The following SQOR variants were observed in gnomAD, a reference collection of about 807,000 sequenced individuals.
The protein encoded by SQOR is sulfide:quinone oxidoreductase, mitochondrial.
In SQOR, 39 loss-of-function variants were observed where a neutral mutation model predicts 48.6. That is an observed-to-expected ratio of 0.80 (90% CI 0.62 to 1.05). The LOEUF (loss-of-function observed/expected upper bound fraction) is 1.05, where lower values mean the gene tolerates loss of function less well. SQOR is among the 50% of genes least tolerant of loss of function. The probability of loss-of-function intolerance (pLI) is 0.00; values close to 1 mark genes in which losing one functional copy is unlikely to be tolerated. For synonymous variants in SQOR, 220 were observed against 206.2 expected (o/e 1.07, Z -0.57); for missense variants, 561 against 559.9 (o/e 1.00, Z -0.02).
intron 9 of SQOR, among the ~76,000 whole-genome samples, chr15:45,689,743 T>A (rs545902783): frequency 5.3e-5 from 8 of 152,256 alleles, no homozygotes; most frequent in Non-Finnish European, 1.0e-4. Flanking sequence ...TTTATTGTTA[T>A]GGGAGAAACC....
intron 5 of SQOR, among the ~76,000 whole-genome samples, chr15:45,675,025 G>T (rs762202021): frequency 6.6e-6 from 1 of 152,144 alleles, no homozygotes; most frequent in African/African-American, 2.4e-5. Flanking sequence ...GGAATTAAAG[G>T]CAGTTCCAGT....
chr15:45,691,270 G>C lies in SQOR; in HGVS notation c.*240G>C. On this transcript the variant is annotated 3_prime_UTR_variant, in exon 10 of 10. Coordinates refer to ENST00000260324, the MANE Select transcript of SQOR (RefSeq NM_021199.4). ...TAATACTTTTATTTTCTGAATAAAA[G>C]TTTGTCACTGATTGTGTTCTATGAG... 2.0e-6 allele frequency: 1 copy of C among 493,996 alleles called. No homozygotes were observed. The highest frequency in any genetic ancestry group is 3.6e-6 in the Non-Finnish European group (1 of 279,474). The allele number at this position is 493,996 out of a possible 1,614,324, so 30.6% of individuals were successfully genotyped here. A position where few individuals can be genotyped will look rare whatever the true frequency, so the allele number is the denominator to read the frequency against.
intron 8 of SQOR, 66 bp from the exon 9 acceptor site, chr15:45,688,973 C>T: frequency 6.9e-6 from 9 of 1,310,664 alleles, no homozygotes; most frequent in Non-Finnish European, 9.5e-6. Flanking sequence ...ATAATAAATT[C>T]TATAGTGTTA....
At chr15:45,656,000 C>T (rs2670813) in intron 1 of SQOR, among the ~76,000 whole-genome samples, 53,316 of 129,126 alleles carry the variant, frequency 0.41, 9,912 homozygotes, top group East Asian at 0.65. Flanking sequence ...TTTTTTTTTT[C>T]CCCGTTTAAC....
rs200511008 is a variant in SQOR at position 45,659,007 on chromosome 15, C to T, written c.84C>T (p.Gly28=). ...CLLRLGTQQV[G]PLQLHTGASH... The stretch of plus-strand genomic sequence containing the variant: ...TCAGGCTGGGCACTCAGCAGGTCGG[C>T]CCCCTTCAGCTGCACACCGGGGCCA... The change falls in exon 2 of 10, where the codon GGC becomes GGT. Residue 28 remains glycine (G), a synonymous_variant. Transcript: ENST00000260324. The T allele has an allele frequency of 1.9e-6, 3 of 1,602,686 alleles. No homozygotes were observed. Among genetic ancestry groups the T allele is most frequent in the Middle Eastern group, 1.9e-4 (1 of 5,360 alleles).
chr15:45,688,918 G>A (rs1455816772), intron 8 of SQOR, 121 bp from the exon 9 acceptor site: 2 of 797,416 alleles, frequency 2.5e-6, no homozygotes. Flanking sequence ...AGTACAAAAA[G>A]CTAGAATATA....
At chr15:45,689,932 CTT>C (rs1338777616) in intron 9 of SQOR, among the ~76,000 whole-genome samples, 2 of 152,144 alleles carry the variant, frequency 1.3e-5, no homozygotes, top group Non-Finnish European at 2.9e-5. Flanking sequence ...ATTAAACACT[CTT>C]TGTGTTTAAA....
chr15:45,639,871 A>C (rs1273921430), intron 1 of SQOR, among the ~76,000 whole-genome samples: 1 of 152,176 alleles, frequency 6.6e-6, no homozygotes, highest in Non-Finnish European at 1.5e-5. Flanking sequence ...CTTGTTTTGA[A>C]TCATTGAGTA....
chr15:45,678,665 T>C (rs1465224358), intron 6 of SQOR, among the ~76,000 whole-genome samples: 1 of 152,158 alleles, frequency 6.6e-6, no homozygotes, highest in East Asian at 1.9e-4. Context: ...TGTGTAGTTA[T>C]GCACACAGAG....
At chr15:45,657,265 A>AT (rs33993204) in intron 1 of SQOR, among the ~76,000 whole-genome samples, 13,017 of 148,004 alleles carry the variant, frequency 0.088, 718 homozygotes, top group Middle Eastern at 0.23. Flanking sequence ...TGGAGCCTGC[A>AT]TTTTTTTTTT....
intron 1 of SQOR, among the ~76,000 whole-genome samples, chr15:45,643,753 G>A (rs1339862130): frequency 6.6e-6 from 1 of 152,134 alleles, no homozygotes; most frequent in African/African-American, 2.4e-5. Context: ...AGACTTATAT[G>A]CTGCAGAAAA....
chr15:45,668,650 A>G (rs1889881387), intron 3 of SQOR, among the ~76,000 whole-genome samples: 1 of 152,226 alleles, frequency 6.6e-6, no homozygotes, highest in East Asian at 1.9e-4. Context: ...CTCCTCAGCC[A>G]GAGCCAAGCA....
chr15:45,662,586 T>C (rs1889740629), intron 3 of SQOR, among the ~76,000 whole-genome samples: 1 of 152,224 alleles, frequency 6.6e-6, no homozygotes, highest in Non-Finnish European at 1.5e-5. Context: ...GGGAATCCTG[T>C]GACTCTGAGG....
At chr15:45,672,790 G>T (rs1889967582) in intron 4 of SQOR, among the ~76,000 whole-genome samples, 1 of 152,216 alleles carries the variant, frequency 6.6e-6, no homozygotes, top group Admixed American at 6.5e-5. Flanking sequence ...ATGTGCATGT[G>T]TCCTGTACAT....
At chr15:45,648,041 C>G (rs938562507) in intron 1 of SQOR, among the ~76,000 whole-genome samples, 8 of 152,208 alleles carry the variant, frequency 5.3e-5, no homozygotes, top group Admixed American at 2.0e-4. Context: ...TATCTCTACT[C>G]AAACCCTCAA....
intron 5 of SQOR, chr15:45,674,065 A>C: frequency 2.2e-6 from 1 of 448,724 alleles, no homozygotes; most frequent in East Asian, 4.2e-5. Flanking sequence ...GGTTACAGTC[A>C]TAGTGTACAT....
chr15:45,634,198 CTATATA>C (rs60889862), upstream of SQOR, among the ~76,000 whole-genome samples: 403 of 43,860 alleles, frequency 9.2e-3, 53 homozygotes, highest in African/African-American at 0.021. Flanking sequence ...ACAACAACAA[CTATATA>C]TATATATATA....
At chr15:45,677,614 C>A (rs1285946737) in intron 6 of SQOR, among the ~76,000 whole-genome samples, 1 of 152,190 alleles carries the variant, frequency 6.6e-6, no homozygotes, top group Non-Finnish European at 1.5e-5. Flanking sequence ...AGCCCTCTCC[C>A]CCACCACTTT....
intron 6 of SQOR, among the ~76,000 whole-genome samples, chr15:45,679,178 C>T (rs889409421): frequency 2.0e-5 from 3 of 152,176 alleles, no homozygotes; most frequent in African/African-American, 7.2e-5. Flanking sequence ...TATAGGATTT[C>T]AGGTCAGATA....
Sources: allele counts gnomAD v4.1 joint callset (sites outside exome capture counted in the v4.1 genomes callset), GRCh38; gene constraint gnomAD v4.1.1; transcripts MANE v1.5; gene names NCBI Gene and HGNC (gene_info 2026-07-23, HGNC 2026-07-21).